Variants in TMEM178B observed in about 807,000 individuals in gnomAD.
TMEM178B encodes the protein transmembrane protein 178B.
A neutral mutation model predicts 31.0 loss-of-function variants in TMEM178B; 5 were observed. The observed-to-expected ratio is 0.16, with a 90% CI of 0.08 to 0.34. The LOEUF (loss-of-function observed/expected upper bound fraction) is 0.34. Ranked by LOEUF, TMEM178B falls within the 10% of genes least tolerant of loss-of-function variation. TMEM178B has a pLI of 1.00. For synonymous variants in TMEM178B, 164 were observed against 164.0 expected (o/e 1.00, Z 0.00); for missense variants, 275 against 400.3 (o/e 0.69, Z 2.67).
chr7:141,089,854 C>T (rs1010352046), intron 1 of TMEM178B, among the ~76,000 whole-genome samples: 2 of 151,440 alleles, frequency 1.3e-5, no homozygotes, highest in African/African-American at 2.4e-5. Flanking sequence ...ACACCAGGGC[C>T]TGTTGTGGGG....
intron 2 of TMEM178B, among the ~76,000 whole-genome samples, chr7:141,361,356 A>G (rs989896440): frequency 6.6e-6 from 1 of 151,782 alleles, no homozygotes; most frequent in African/African-American, 2.4e-5. Flanking sequence ...CTGTAAAACC[A>G]GTACTAAAAA....
At chr7:141,124,823 A>G (rs1022657517) in intron 1 of TMEM178B, among the ~76,000 whole-genome samples, 23 of 152,180 alleles carry the variant, frequency 1.5e-4, no homozygotes, top group Non-Finnish European at 1.9e-4. Flanking sequence ...TGAAATAAAA[A>G]CCTTTCAGAA....
chr7:141,350,585 G>A (rs1476669456), intron 2 of TMEM178B, among the ~76,000 whole-genome samples: 1 of 152,076 alleles, frequency 6.6e-6, no homozygotes, highest in Non-Finnish European at 1.5e-5. Flanking sequence ...AGCAGAAAAA[G>A]CAATATTCAC....
intron 2 of TMEM178B, among the ~76,000 whole-genome samples, chr7:141,236,145 G>T (rs923123838): frequency 6.6e-6 from 1 of 152,196 alleles, no homozygotes; most frequent in African/African-American, 2.4e-5. Context: ...TACCCCCACA[G>T]GTCCCTGTGA....
intron 2 of TMEM178B, among the ~76,000 whole-genome samples, chr7:141,369,165 A>G (rs886556712): frequency 5.3e-5 from 8 of 152,130 alleles, no homozygotes; most frequent in African/African-American, 1.9e-4. Flanking sequence ...GGACCCACCC[A>G]TTCCCCATAA....
At chr7:141,231,656 G>C (rs1030033231) in intron 2 of TMEM178B, among the ~76,000 whole-genome samples, 4 of 152,212 alleles carry the variant, frequency 2.6e-5, no homozygotes, top group African/African-American at 9.7e-5. Context: ...GCAAGGTGGA[G>C]ACTTGCTGCT....
chr7:141,077,011 C>A (rs768689913), intron 1 of TMEM178B, among the ~76,000 whole-genome samples: 4 of 152,164 alleles, frequency 2.6e-5, no homozygotes, highest in Non-Finnish European at 5.9e-5. Flanking sequence ...CCAGATCTTC[C>A]TTTTCTGAGC....
intron 1 of TMEM178B, among the ~76,000 whole-genome samples, chr7:141,089,734 A>G (rs1794848625): frequency 1.3e-5 from 2 of 152,166 alleles, no homozygotes; most frequent in African/African-American, 4.8e-5. Flanking sequence ...GCTGGAAACC[A>G]TCATTCTGAG....
intron 2 of TMEM178B, chr7:141,352,441 G>A (rs557405387): frequency 2.0e-5 from 3 of 151,036 alleles, no homozygotes; most frequent in Non-Finnish European, 2.9e-5. Flanking sequence ...GCAGTGGTGC[G>A]ATCTTGGCTC....
chr7:141,383,304 G>T (rs573095741), intron 2 of TMEM178B, among the ~76,000 whole-genome samples: 1 of 151,488 alleles, frequency 6.6e-6, no homozygotes, highest in African/African-American at 2.4e-5. Context: ...GTGCCATGTT[G>T]GTGTGCTGCA....
chr7:141,436,724 TG>T (rs1801550130), intron 2 of TMEM178B, among the ~76,000 whole-genome samples: 1 of 151,738 alleles, frequency 6.6e-6, no homozygotes, highest in Non-Finnish European at 1.5e-5. Flanking sequence ...GGGTGGGAGC[TG>T]GGGAGGAAGC....
chr7:141,201,333 A>T (rs1796874275), intron 1 of TMEM178B, among the ~76,000 whole-genome samples: 1 of 152,160 alleles, frequency 6.6e-6, no homozygotes, highest in Admixed American at 6.5e-5. Context: ...TGACCCTGGG[A>T]AAGATTCTCA....
Position 141,331,075 on chromosome 7 carries a change from T to C in TMEM178B, c.497-106533T>C, listed in dbSNP as rs116793904. Among the ~76,000 whole-genome samples, 342 of 152,268 alleles carry C rather than the reference T, an allele frequency of 2.2e-3. 2 individuals carry two copies. Among genetic ancestry groups the C allele is most frequent in the African/African-American group, 7.8e-3 (326 of 41,546 alleles). ...AGGAAAGCAGGAAGGGTTGGATTTA[T>C]AGGGGAAGTGCTGGGTGTTGACATT... On this transcript the variant is annotated intron_variant, in intron 2 of 3. Coordinates refer to ENST00000565468, the MANE Select transcript of TMEM178B (RefSeq NM_001195278.2).
the TMEM178B span, among the ~76,000 whole-genome samples, chr7:141,500,876 C>T: frequency 1.3e-5 from 2 of 152,140 alleles, no homozygotes; most frequent in East Asian, 3.9e-4. Flanking sequence ...GAAAGGACCT[C>T]AGGCTTGTGA....
intron 3 of TMEM178B, among the ~76,000 whole-genome samples, chr7:141,440,280 TGCTTACCTTTGTCCAG>T (rs1036820119): frequency 6.6e-6 from 1 of 152,208 alleles, no homozygotes; most frequent in African/African-American, 2.4e-5. Context: ...GTGAGAGCCT[TGCTTACCTTTGTCCAG>T]GCAGTGGTTC....
At chr7:141,406,680 A>G (rs1358291763) in intron 2 of TMEM178B, among the ~76,000 whole-genome samples, 5 of 152,262 alleles carry the variant, frequency 3.3e-5, no homozygotes, top group African/African-American at 9.6e-5. Flanking sequence ...TAACCAAAAT[A>G]TATCATATTC....
chr7:141,099,572 T>G (rs1795018724), intron 1 of TMEM178B, among the ~76,000 whole-genome samples: 1 of 152,192 alleles, frequency 6.6e-6, no homozygotes, highest in Admixed American at 6.5e-5. Flanking sequence ...AGAGTAGACC[T>G]CCACACTCAG....
At chr7:141,181,345 AC>A (rs1482984807) in intron 1 of TMEM178B, among the ~76,000 whole-genome samples, 1 of 152,242 alleles carries the variant, frequency 6.6e-6, no homozygotes, top group Non-Finnish European at 1.5e-5. Flanking sequence ...ATACAGGATG[AC>A]CAGTGTAGAC....
chr7:141,376,682 C>A (rs552936138), intron 2 of TMEM178B, among the ~76,000 whole-genome samples: 1 of 152,068 alleles, frequency 6.6e-6, no homozygotes, highest in South Asian at 2.1e-4. Flanking sequence ...AAAGTAATGG[C>A]GTTCTTGATA....
Sources: gnomAD v4.1 joint callset for allele counts (sites outside exome capture counted in the v4.1 genomes callset) on GRCh38, gnomAD v4.1.1 for gene constraint, MANE v1.5 for transcripts, NCBI Gene and HGNC (gene_info 2026-07-23, HGNC 2026-07-21) for gene names.